TRHDE: variants seen among roughly 807,000 people sequenced by gnomAD.
TRHDE encodes thyrotropin releasing hormone degrading enzyme, also known as thyrotropin-releasing hormone-degrading ectoenzyme.
In TRHDE, 72 loss-of-function variants were observed where a neutral mutation model predicts 125.7. That is an observed-to-expected ratio of 0.57 (90% confidence interval 0.47 to 0.70). The LOEUF is 0.70. TRHDE is among the 30% of genes least tolerant of loss of function. The pLI is 0.00. For synonymous variants in TRHDE, 509 were observed against 509.1 expected (o/e 1.00, Z 0.00); for missense variants, 1,110 against 1,327.1 (o/e 0.84, Z 2.54).
At chr12:72,525,521 T>C (rs1426196655) in intron 6 of TRHDE, among the ~76,000 whole-genome samples, 1 of 151,984 alleles carries the variant, frequency 6.6e-6, no homozygotes, top group African/African-American at 2.4e-5. Flanking sequence ...AATTTATACT[T>C]AAATTTGTTT....
intron 3 of TRHDE, among the ~76,000 whole-genome samples, chr12:72,396,464 G>A (rs763484119): frequency 8.5e-5 from 13 of 152,110 alleles, no homozygotes; most frequent in South Asian, 4.2e-4. Flanking sequence ...CTTTATTCTC[G>A]GCCAGGTGCG....
At chr12:72,176,133 G>A (rs1347207029) in intron 2 of TRHDE, among the ~76,000 whole-genome samples, 1 of 152,086 alleles carries the variant, frequency 6.6e-6, no homozygotes, top group Non-Finnish European at 1.5e-5. Context: ...GAGACAGGAG[G>A]ATCTCTTGAG....
chr12:72,425,012 G>A (rs1332153235), intron 3 of TRHDE, among the ~76,000 whole-genome samples: 1 of 152,030 alleles, frequency 6.6e-6, no homozygotes, highest in African/African-American at 2.4e-5. Context: ...CACTTTTACT[G>A]TAGTTACTAT....
chr12:72,521,123 A>G (rs148299496), intron 6 of TRHDE, among the ~76,000 whole-genome samples: 2 of 152,330 alleles, frequency 1.3e-5, no homozygotes, highest in Non-Finnish European at 2.9e-5. Context: ...TTCACAGCAG[A>G]GAATACTATA....
At chr12:72,112,883 G>T (rs1875353237) in intron 2 of TRHDE, among the ~76,000 whole-genome samples, 1 of 152,164 alleles carries the variant, frequency 6.6e-6, no homozygotes, top group South Asian at 2.1e-4. Flanking sequence ...TTTCAAACCA[G>T]CTTCACAGGC....
rs750632215 is a variant in TRHDE at position 72,286,670 on chromosome 12, C to G, written c.915-11C>G. The G allele has an allele frequency of 6.2e-7, 1 of 1,609,514 alleles. No individual in the cohort carries two copies. Among genetic ancestry groups the G allele is most frequent in the Non-Finnish European group, 8.5e-7 (1 of 1,177,604 alleles). Reference sequence around the variant, plus strand: ...TAAATGTAATTGAGAATGTCATTTTCTTTTTTCCAGATTCCTTGGTGTTAC... The same window carrying G: ...TAAATGTAATTGAGAATGTCATTTTGTTTTTTCCAGATTCCTTGGTGTTAC... On this transcript the variant is annotated splice_polypyrimidine_tract_variant and intron_variant, in intron 1 of 18. Transcript: ENST00000261180.
chr12:72,328,053 C>T (rs3935113), intron 2 of TRHDE, among the ~76,000 whole-genome samples: 38,224 of 151,812 alleles, frequency 0.25, 4,846 homozygotes, highest in East Asian at 0.35. Context: ...CCACGAGTAT[C>T]ATCAGAGGAA....
chr12:72,568,439 C>T lies in TRHDE; in HGVS notation c.2043-129C>T, dbSNP rs147024215. 4.3e-4 allele frequency: 222 copies of T among 517,000 alleles called. 1 individual carries two copies. The East Asian group carries it at 6.2e-3, about 15-fold the overall frequency. The allele number at this position is 517,000 out of a possible 1,614,324, so 32.0% of individuals were successfully genotyped here. ...TTGACCTATGCCTTACTTTTGTGACCGGAATTATTTTTTTTTAGTTCACCT... is the reference window on the plus strand; with the variant it reads ...TTGACCTATGCCTTACTTTTGTGACTGGAATTATTTTTTTTTAGTTCACCT... On this transcript the variant is annotated intron_variant, in intron 9 of 18. Transcript: ENST00000261180.
chr12:72,483,154 T>A (rs1451466884), intron 5 of TRHDE, among the ~76,000 whole-genome samples: 1 of 151,916 alleles, frequency 6.6e-6, no homozygotes, highest in Non-Finnish European at 1.5e-5. Flanking sequence ...GGCTGGTTTC[T>A]CAGTCAGGGA....
chr12:72,432,519 T>C (rs1384703043), intron 3 of TRHDE, among the ~76,000 whole-genome samples: 1 of 152,148 alleles, frequency 6.6e-6, no homozygotes, highest in East Asian at 1.9e-4. Flanking sequence ...GACAGCTGCC[T>C]TCAGCTATTC....
chr12:72,383,277 T>A (rs1211848982), intron 3 of TRHDE, among the ~76,000 whole-genome samples: 1 of 152,200 alleles, frequency 6.6e-6, no homozygotes, highest in Non-Finnish European at 1.5e-5. Context: ...TATCTTTTTT[T>A]ATATCCCAAA....
At chr12:72,172,245 A>G (rs1417987131) in intron 2 of TRHDE, among the ~76,000 whole-genome samples, 6 of 152,214 alleles carry the variant, frequency 3.9e-5, no homozygotes, top group African/African-American at 1.4e-4. Flanking sequence ...TGGTTAATGT[A>G]TGACCTATAT....
intron 3 of TRHDE, among the ~76,000 whole-genome samples, chr12:72,387,486 A>G (rs547153048): frequency 2.0e-5 from 3 of 151,918 alleles, no homozygotes; most frequent in Non-Finnish European, 4.4e-5. Flanking sequence ...CAAGAGTTCA[A>G]CCTAAATAAA....
At chr12:72,567,710 A>G (rs1484929143) in intron 9 of TRHDE, among the ~76,000 whole-genome samples, 1 of 152,078 alleles carries the variant, frequency 6.6e-6, no homozygotes, top group Non-Finnish European at 1.5e-5. Context: ...TGGCTACCCT[A>G]TTGATAACGG....
intron 6 of TRHDE, among the ~76,000 whole-genome samples, chr12:72,510,711 A>T (rs937194362): frequency 6.6e-6 from 1 of 152,230 alleles, no homozygotes; most frequent in Non-Finnish European, 1.5e-5. Context: ...CATATAAAAA[A>T]TAAAGGTTGT....
At chr12:72,562,041 T>C in intron 7 of TRHDE, 124 bp from the exon 8 acceptor site, 1 of 516,252 alleles carries the variant, frequency 1.9e-6, no homozygotes, top group Non-Finnish European at 3.5e-6. Flanking sequence ...AGATTATTTA[T>C]CTTTTTTATG....
upstream of TRHDE, among the ~76,000 whole-genome samples, chr12:72,268,598 A>G (rs951135806): frequency 2.6e-5 from 4 of 152,116 alleles, no homozygotes; most frequent in African/African-American, 4.8e-5. Context: ...TTTTACTCAC[A>G]TGTGAAGAGA....
At chr12:72,161,758 T>C (rs1876643214) in intron 2 of TRHDE, among the ~76,000 whole-genome samples, 1 of 152,172 alleles carries the variant, frequency 6.6e-6, no homozygotes, top group African/African-American at 2.4e-5. Context: ...GTTGGCTAAT[T>C]TGGTGTGATG....
At chr12:72,142,333 A>G (rs754178239) in intron 2 of TRHDE, among the ~76,000 whole-genome samples, 1 of 152,086 alleles carries the variant, frequency 6.6e-6, no homozygotes, top group Non-Finnish European at 1.5e-5. Flanking sequence ...AGTCTTTTTA[A>G]TAAACCTCCA....
Sources: allele counts gnomAD v4.1 joint callset (sites outside exome capture counted in the v4.1 genomes callset), GRCh38; gene constraint gnomAD v4.1.1; transcripts MANE v1.5; gene names NCBI Gene and HGNC (gene_info 2026-07-23, HGNC 2026-07-21).